SLC27A4: variants seen among roughly 807,000 people sequenced by gnomAD.
The protein encoded by SLC27A4 is long-chain fatty acid transport protein 4.
SLC27A4 carries 33 observed loss-of-function variants against 64.4 expected under a neutral mutation model. The observed-to-expected ratio is 0.51, with a 90% CI of 0.39 to 0.68. The LOEUF (loss-of-function observed/expected upper bound fraction) is 0.68. Ranked by LOEUF, SLC27A4 falls within the 30% of genes least tolerant of loss-of-function variation. The probability of loss-of-function intolerance (pLI) is 0.00; values close to 1 mark genes in which losing one functional copy is unlikely to be tolerated. For missense variants in SLC27A4, 824 were observed against 883.5 expected (o/e 0.93, Z 0.85); for synonymous variants, 377 against 370.0 (o/e 1.02, Z -0.22).
At position 128,360,535 on chromosome 9, in the gene SLC27A4, C is replaced by T. The variant is rs1265203687; in HGVS notation, c.*44C>T. On this transcript the variant is annotated 3_prime_UTR_variant, in exon 13 of 13. Coordinates refer to ENST00000300456, the MANE Select transcript of SLC27A4 (RefSeq NM_005094.4). ...GGGCCGGCGGATGCTGGATCCGGAG[C>T]CCCAGGTTCCGCCCCAGAGCGGTCC... 1 of 1,608,070 alleles carries T rather than the reference C, an allele frequency of 6.2e-7. No individual in the cohort carries two copies. The highest frequency in any genetic ancestry group is 1.3e-5 in the African/African-American group (1 of 74,816).
chr9:128,358,756 A>G (rs1832856736), intron 12 of SLC27A4, among the ~76,000 whole-genome samples: 1 of 152,146 alleles, frequency 6.6e-6, no homozygotes, highest in African/African-American at 2.4e-5. Context: ...CTTGTTTAAT[A>G]ATTTAAATGT....
intron 1 of SLC27A4, chr9:128,342,209 C>G: frequency 6.3e-7 from 1 of 1,590,948 alleles, no homozygotes; most frequent in Non-Finnish European, 8.6e-7. Flanking sequence ...TCGCATGCCT[C>G]GCTCCGCTTT....
chr9:128,349,338 G>A (rs1039372037), intron 4 of SLC27A4, among the ~76,000 whole-genome samples: 1 of 152,112 alleles, frequency 6.6e-6, no homozygotes, highest in Non-Finnish European at 1.5e-5. Context: ...TGCTTCCTTT[G>A]TGTGAACCCT....
rs181498908 is a variant in SLC27A4 at position 128,355,818 on chromosome 9, G to C, written c.1774+22G>C. ...ACAGGTGTGTCCCTCCCCTGCTCCA[G>C]CTCTCGGATCCCAGGTCCCTTCCCG... On this transcript the variant is annotated intron_variant, in intron 12 of 12. Coordinates refer to ENST00000300456, the MANE Select transcript of SLC27A4 (RefSeq NM_005094.4). 1.2e-5 allele frequency: 20 copies of C among 1,611,706 alleles called. No homozygotes were observed. In the African/African-American group the frequency reaches 1.6e-4, roughly 13 times the overall value.
chr9:128,349,211 T>C (rs1832699919), intron 4 of SLC27A4, among the ~76,000 whole-genome samples: 1 of 152,236 alleles, frequency 6.6e-6, no homozygotes, highest in Non-Finnish European at 1.5e-5. Context: ...TCTTCTTTTA[T>C]ACTGTAGCCT....
chr9:128,353,326 A>AGTGT lies in SLC27A4; in HGVS notation c.1198-87_1198-84dup. On this transcript the variant is annotated intron_variant, in intron 8 of 12. Coordinates refer to ENST00000300456, the MANE Select transcript of SLC27A4 (RefSeq NM_005094.4). The surrounding 1 kb of genome is among the most constrained non-coding windows in gnomAD (Gnocchi z 4.9). Reference sequence around the variant, plus strand: ...GGGGAGGGCAGAGTTCGAGCGTGAGAGTGTGGGTGCTGGAGTCCCACTTCC... The same window carrying AGTGT: ...GGGGAGGGCAGAGTTCGAGCGTGAGAGTGTGTGTGGGTGCTGGAGTCCCACTTCC... 1 of 1,610,402 alleles carries AGTGT rather than the reference A, an allele frequency of 6.2e-7. No individual in the cohort carries two copies. Among genetic ancestry groups the AGTGT allele is most frequent in the South Asian group, 1.1e-5 (1 of 90,970 alleles).
intron 6 of SLC27A4, among the ~76,000 whole-genome samples, chr9:128,351,899 G>C (rs1331260083): frequency 6.6e-6 from 1 of 151,170 alleles, no homozygotes; most frequent in Non-Finnish European, 1.5e-5. Flanking sequence ...AAAAAATTTT[G>C]TTTTAGGCCA....
rs1832650152 is a variant in SLC27A4, at chr9:128,345,917, T to C, written c.556+368T>C. Among the ~76,000 whole-genome samples, 1 of 152,152 alleles carries C rather than the reference T, an allele frequency of 6.6e-6. No homozygotes were observed. Among genetic ancestry groups the C allele is most frequent in the Admixed American group, 6.5e-5 (1 of 15,276 alleles). ...ACCCTGTCTCTACTAAGAAATTTTTTTGAGACAGGGTCTTGCCCTGTCACC... is the reference window on the plus strand; with the variant it reads ...ACCCTGTCTCTACTAAGAAATTTTTCTGAGACAGGGTCTTGCCCTGTCACC... On this transcript the variant is annotated intron_variant, in intron 3 of 12. Coordinates refer to ENST00000300456, the MANE Select transcript of SLC27A4 (RefSeq NM_005094.4). This position sits in a 1 kb window ranked among gnomAD's most constrained non-coding sequence, Gnocchi z 4.1.
At position 128,353,965 on chromosome 9, in the gene SLC27A4, G is replaced by T. The variant is rs189591019; in HGVS notation, c.1324+424G>T. On this transcript the variant is annotated intron_variant, in intron 9 of 12. Transcript: ENST00000300456. The surrounding 1 kb of genome is among the most constrained non-coding windows in gnomAD (Gnocchi z 4.9). ...TCACCGTTTTAGCCGGGATGGTCTC[G>T]ATCTCCTGACCTCGTGATCCGCCCG... is the stretch of plus-strand genomic sequence containing the variant. Among the ~76,000 whole-genome samples the T allele has an allele frequency of 6.6e-6, 1 of 151,042 alleles. No homozygotes were observed. Among genetic ancestry groups the T allele is most frequent in the Non-Finnish European group, 1.5e-5 (1 of 67,906 alleles).
chr9:128,356,961 G>A (rs1284911551), intron 12 of SLC27A4, among the ~76,000 whole-genome samples: 1 of 152,084 alleles, frequency 6.6e-6, no homozygotes, highest in East Asian at 1.9e-4. Context: ...AGGTATGGTG[G>A]TGGGCGCCTG....
At chr9:128,355,296 T>C in intron 10 of SLC27A4, 102 bp from the exon 11 acceptor site, 1 of 1,599,324 alleles carries the variant, frequency 6.3e-7, no homozygotes, top group Middle Eastern at 1.7e-4. Flanking sequence ...TCCTGGCCCT[T>C]GTGGTCAAAC....
intron 1 of SLC27A4, 100 bp from the exon 2 acceptor site, chr9:128,343,027 G>C (rs1277238734): frequency 1.8e-5 from 26 of 1,461,896 alleles, no homozygotes; most frequent in Non-Finnish European, 2.4e-5. Flanking sequence ...CTTACCACAG[G>C]CTGTCCCCTT....
At position 128,340,758 on chromosome 9, in the gene SLC27A4, G is replaced by A. The variant is rs949513176; in HGVS notation, c.-87G>A. 1 of 663,950 alleles carries A rather than the reference G, an allele frequency of 1.5e-6. No homozygotes were observed. The highest frequency in any genetic ancestry group is 1.6e-5 in the South Asian group (1 of 62,702). 41.1% of individuals were successfully genotyped at this position (663,950 alleles called of 1,614,324 possible). On this transcript the variant is annotated 5_prime_UTR_variant, in exon 1 of 13. Coordinates refer to ENST00000300456, the MANE Select transcript of SLC27A4 (RefSeq NM_005094.4). ...GACCCGGCTCCGTGCGTCCAGGGGC[G>A]GCTAATGCCCCTCACGCTGTCTACG...
Position 128,345,008 on chromosome 9 carries a change from GT to G in SLC27A4, c.162-145del, listed in dbSNP as rs1229590029. 2 of 864,302 alleles carry G rather than the reference GT, an allele frequency of 2.3e-6. No homozygotes were observed. The highest frequency in any genetic ancestry group is 3.6e-6 in the Non-Finnish European group (2 of 551,444). The allele number at this position is 864,302 out of a possible 1,614,324, so 53.5% of individuals were successfully genotyped here. On this transcript the variant is annotated intron_variant, in intron 2 of 12. Transcript: ENST00000300456. The surrounding 1 kb of genome is among the most constrained non-coding windows in gnomAD (Gnocchi z 4.1). ...GAGAGGCATCAGTAAGGCAGTGCATGTTCCCAGCAGGAGCCAGGAGATAGAA... is the reference window on the plus strand; with the variant it reads ...GAGAGGCATCAGTAAGGCAGTGCATGTCCCAGCAGGAGCCAGGAGATAGAA...
intron 2 of SLC27A4, among the ~76,000 whole-genome samples, chr9:128,344,014 A>C (rs756039078): frequency 6.6e-6 from 1 of 152,172 alleles, no homozygotes; most frequent in Non-Finnish European, 1.5e-5. Flanking sequence ...AGCATTTGTC[A>C]ATCTTGGTTG....
In SLC27A4 at chr9:128,352,696, G is replaced by A; in HGVS notation, c.936G>A (p.Lys312=). ...LLHGMTVVIR[K]KFSASRFWDD... is the part of the protein sequence containing the mutation. ...ATGGCATGACGGTGGTGATTCGGAA[G>A]AAGTTCTCAGCCTCCCGGTTCTGGG... Residue 312 remains lysine, a synonymous_variant, in exon 7 of 13, where the codon AAG becomes AAA. Coordinates refer to ENST00000300456, the MANE Select transcript of SLC27A4 (RefSeq NM_005094.4). 1 of 1,614,214 alleles carries A rather than the reference G, an allele frequency of 6.2e-7. No individual in the cohort carries two copies. The highest frequency in any genetic ancestry group is 1.7e-5 in the Admixed American group (1 of 60,030).
chr9:128,353,195 C>T lies in SLC27A4; in HGVS notation c.1158C>T (p.Ala386=), dbSNP rs1832763512. The T allele has an allele frequency of 1.2e-6, 2 of 1,614,022 alleles. No homozygotes were observed. The highest frequency in any genetic ancestry group is 2.7e-5 in the African/African-American group (2 of 74,928). Reference sequence around the variant, plus strand: ...CCCAGGTGGCTGAGTTCTACGGGGCCACAGAGTGCAACTGTAGCCTGGGCA... The same window carrying T: ...CCCAGGTGGCTGAGTTCTACGGGGCTACAGAGTGCAACTGTAGCCTGGGCA... ...HIPQVAEFYG[A]TECNCSLGNF... Residue 386 remains alanine (A), a synonymous_variant, in exon 8 of 13, where the codon GCC becomes GCT. Coordinates refer to ENST00000300456, the MANE Select transcript of SLC27A4 (RefSeq NM_005094.4). The surrounding 1 kb of genome is among the most constrained non-coding windows in gnomAD (Gnocchi z 4.9).
At chr9:128,354,367 C>T (rs1023089931) in intron 9 of SLC27A4, among the ~76,000 whole-genome samples, 1 of 152,098 alleles carries the variant, frequency 6.6e-6, no homozygotes, top group African/African-American at 2.4e-5. Context: ...TGCCTAAGTC[C>T]CCTTATCTAC....
At chr9:128,342,500 A>C in intron 1 of SLC27A4, 1 of 1,175,544 alleles carries the variant, frequency 8.5e-7, no homozygotes, top group Non-Finnish European at 1.2e-6. Flanking sequence ...CCCCTTTCAC[A>C]TCAAAGAACT....
Sources: allele counts gnomAD v4.1 joint callset (sites outside exome capture counted in the v4.1 genomes callset), GRCh38; gene constraint gnomAD v4.1.1; non-coding constraint Gnocchi (gnomAD v3.1); transcripts MANE v1.5; gene names NCBI Gene and HGNC (gene_info 2026-07-23, HGNC 2026-07-21).